The following ADAM12 variants were observed in gnomAD, a reference collection of about 807,000 sequenced individuals.
The protein encoded by ADAM12 is ADAM metallopeptidase domain 12.
Under a neutral mutation model 106.4 loss-of-function variants are expected in ADAM12, and 70 were observed. The observed-to-expected ratio is 0.66, with a 90% CI of 0.54 to 0.80. The LOEUF (loss-of-function observed/expected upper bound fraction) is 0.80. Ranked by LOEUF, ADAM12 falls within the 30% of genes least tolerant of loss-of-function variation. The pLI is 0.00. For missense variants in ADAM12, 1,010 were observed against 1,171.9 expected, an observed-to-expected ratio of 0.86 and a Z score of 2.02; for synonymous variants, 420 against 433.5, an observed-to-expected ratio of 0.97 and a Z score of 0.39.
At chr10:126,171,010 G>A (rs1403990508) in intron 3 of ADAM12, among the ~76,000 whole-genome samples, 1 of 152,162 alleles carries the variant, frequency 6.6e-6, no homozygotes, top group East Asian at 1.9e-4. Flanking sequence ...CAGGATAAAG[G>A]CCACACCAAT....
intron 4 of ADAM12, among the ~76,000 whole-genome samples, chr10:126,145,867 G>T (rs943881282): frequency 1.3e-5 from 2 of 152,254 alleles, no homozygotes; most frequent in Non-Finnish European, 2.9e-5. Flanking sequence ...ACATAGGCAT[G>T]TGTGAAAAGG....
intron 3 of ADAM12, among the ~76,000 whole-genome samples, chr10:126,160,340 T>G (rs1050757727): frequency 6.6e-6 from 1 of 152,146 alleles, no homozygotes; most frequent in African/African-American, 2.4e-5. Context: ...GATATGTCCA[T>G]TTAAATAGCT....
In ADAM12 at chr10:126,388,459, G is replaced by A. The variant is rs543892309; in HGVS notation, c.-314C>T. 8.5e-5 allele frequency: 19 copies of A among 224,120 alleles called. 1 individual carries two copies. The South Asian group carries it at 3.3e-3, about 39-fold the overall frequency. 13.9% of individuals were successfully genotyped at this position (224,120 alleles called of 1,614,324 possible). ...GGGACTAGGAAGAGCGTTAGTGAGAGAAGGCAGGCCTGTGAAATGGATCCA... is the reference window on the plus strand; with the variant it reads ...GGGACTAGGAAGAGCGTTAGTGAGAAAAGGCAGGCCTGTGAAATGGATCCA... On this transcript the variant is annotated 5_prime_UTR_variant, in exon 1 of 23. Coordinates refer to ENST00000448723, the MANE Select transcript of ADAM12 (RefSeq NM_001288973.2). This position sits in a 1 kb window ranked among gnomAD's most constrained non-coding sequence, Gnocchi z 4.4.
intron 3 of ADAM12, among the ~76,000 whole-genome samples, chr10:126,219,897 G>T (rs1172039274): frequency 6.6e-6 from 1 of 152,196 alleles, no homozygotes; most frequent in Non-Finnish European, 1.5e-5. Context: ...ACAATCAATG[G>T]GAATCTACCT....
chr10:126,133,470 G>A (rs1357813378), intron 5 of ADAM12, among the ~76,000 whole-genome samples: 1 of 152,132 alleles, frequency 6.6e-6, no homozygotes, highest in Non-Finnish European at 1.5e-5. Context: ...CACAAAAGTT[G>A]CCACCTTTGA....
At chr10:126,109,974 C>A in intron 6 of ADAM12, 134 bp from the exon 7 acceptor site, 1 of 710,114 alleles carries the variant, frequency 1.4e-6, no homozygotes, top group Non-Finnish European at 2.2e-6. Context: ...CACCTCCATT[C>A]CATCTAGAAG....
chr10:126,333,112 A>G (rs1020450695), intron 1 of ADAM12, among the ~76,000 whole-genome samples: 3 of 152,254 alleles, frequency 2.0e-5, no homozygotes, highest in African/African-American at 7.2e-5. Flanking sequence ...TTGGAAAGTC[A>G]GCTAAAACTG....
In ADAM12 at chr10:126,278,985, G is replaced by A; in HGVS notation, c.190C>T (p.His64Tyr). 3 of 1,611,836 alleles carry A rather than the reference G, an allele frequency of 1.9e-6. No homozygotes were observed. Among genetic ancestry groups the A allele is most frequent in the Non-Finnish European group, 2.5e-6 (3 of 1,178,446 alleles). The change falls in exon 3 of 23, where the codon CAT (histidine) becomes TAT (tyrosine). Residue 64 changes from histidine (H) to tyrosine (Y), a missense_variant. His to Tyr is a moderately conservative substitution (Grantham distance 83, BLOSUM62 2). Around this residue, in one of 3 missense-constraint regions of ADAM12, gnomAD observed 391 missense variants for 442.9 expected, o/e 0.88. Coordinates refer to ENST00000448723, the MANE Select transcript of ADAM12 (RefSeq NM_001288973.2). ...IPVKSFDSKNHPEVLNIRLQR... is the reference protein window; with the variant it reads ...IPVKSFDSKNYPEVLNIRLQR... ...AGTCGAATATTCAGCACTTCTGGAT[G>A]ATTCTGAAAGATAAACAACAAAAGT...
At chr10:126,172,183 C>T (rs1957131516) in intron 3 of ADAM12, among the ~76,000 whole-genome samples, 1 of 152,196 alleles carries the variant, frequency 6.6e-6, no homozygotes, top group African/African-American at 2.4e-5. Flanking sequence ...CACTCAAAGA[C>T]TGAGGCAATG....
chr10:126,274,191 C>T lies in ADAM12; in HGVS notation c.260+4724G>A, dbSNP rs116278162. ...CTGACCGTAAGGATGTCATGGTTGG[C>T]GGAAGAGGAAAGGAAAGAAGCATCC... On this transcript the variant is annotated intron_variant, in intron 3 of 22. Transcript: ENST00000448723. 7.1e-3 allele frequency among the ~76,000 whole-genome samples: 1,078 copies of T among 152,128 alleles called. 11 individuals are homozygous for T. The highest frequency in any genetic ancestry group is 0.025 in the African/African-American group (1,024 of 41,508).
rs183412794 is a variant in ADAM12, at chr10:126,035,788, T to C, written c.2529+358A>G. Reference sequence around the variant, plus strand: ...GATGAGAGAGTATAACTGATGCTTCTTAGGGTGACCATCTGTCTTAGATTG... The same window carrying C: ...GATGAGAGAGTATAACTGATGCTTCCTAGGGTGACCATCTGTCTTAGATTG... On this transcript the variant is annotated intron_variant, in intron 21 of 22. Coordinates refer to ENST00000448723, the MANE Select transcript of ADAM12 (RefSeq NM_001288973.2). Among the ~76,000 whole-genome samples the C allele has an allele frequency of 5.9e-4, 90 of 152,336 alleles. No individual in the cohort carries two copies. In the East Asian group the frequency reaches 0.015, roughly 26 times the overall value.
At chr10:126,129,946 T>C (rs1243743503) in intron 5 of ADAM12, among the ~76,000 whole-genome samples, 1 of 152,200 alleles carries the variant, frequency 6.6e-6, no homozygotes, top group Non-Finnish European at 1.5e-5. Context: ...TCTTCTATGT[T>C]CTAGAACAGA....
intron 3 of ADAM12, among the ~76,000 whole-genome samples, chr10:126,183,511 G>C (rs1957350357): frequency 6.6e-6 from 1 of 152,212 alleles, no homozygotes; most frequent in Admixed American, 6.5e-5. Context: ...ACACCTTCCT[G>C]GAAAAGCAGA....
At chr10:126,139,924 GGAA>G (rs1956479486) in intron 4 of ADAM12, among the ~76,000 whole-genome samples, 1 of 141,580 alleles carries the variant, frequency 7.1e-6, no homozygotes, top group African/African-American at 2.5e-5. Flanking sequence ...GGTATGTAGG[GGAA>G]GCATGATAAT....
chr10:126,242,231 C>G lies in ADAM12; in HGVS notation c.260+36684G>C, dbSNP rs146509671. ...AGATCCTAACACTTTAGTTTTAAGACTGTTTTCTCCCCAGACTCTGTCAAG... is the reference window on the plus strand; with the variant it reads ...AGATCCTAACACTTTAGTTTTAAGAGTGTTTTCTCCCCAGACTCTGTCAAG... On this transcript the variant is annotated intron_variant, in intron 3 of 22. Transcript: ENST00000448723. Among the ~76,000 whole-genome samples, 428 of 152,296 alleles carry G rather than the reference C, an allele frequency of 2.8e-3. 1 individual carries two copies. Among genetic ancestry groups the G allele is most frequent in the African/African-American group, 9.8e-3 (406 of 41,566 alleles).
chr10:126,133,575 C>T (rs1224949980), intron 5 of ADAM12, among the ~76,000 whole-genome samples: 3 of 152,186 alleles, frequency 2.0e-5, no homozygotes, highest in Non-Finnish European at 4.4e-5. Context: ...TATTTCCAGC[C>T]TGGCAGCTGG....
chr10:126,140,136 T>C (rs1358993082), intron 4 of ADAM12, among the ~76,000 whole-genome samples: 2 of 152,168 alleles, frequency 1.3e-5, no homozygotes, highest in Admixed American at 1.3e-4. Context: ...GTAACCAGAA[T>C]CACTGGGTTT....
chr10:126,110,042 C>T lies in ADAM12; in HGVS notation c.604-202G>A, dbSNP rs1316755498. ...CCTTCTCAACATGAGTAACCAGCTT[C>T]CATTTCCACTTGGAAAACCCTTAAA... On this transcript the variant is annotated intron_variant, in intron 6 of 22. Transcript: ENST00000448723. 2.6e-5 allele frequency among the ~76,000 whole-genome samples: 4 copies of T among 152,132 alleles called. No homozygotes were observed. The East Asian group carries it at 7.7e-4, about 29-fold the overall frequency.
chr10:126,072,337 T>G (rs1955014615), intron 11 of ADAM12, among the ~76,000 whole-genome samples: 1 of 152,202 alleles, frequency 6.6e-6, no homozygotes. Flanking sequence ...TATGCTCCCC[T>G]TCTGTGCTCT....
Sources: allele counts gnomAD v4.1 joint callset (sites outside exome capture counted in the v4.1 genomes callset), GRCh38; gene constraint gnomAD v4.1.1; regional missense constraint gnomAD v4.1.1; non-coding constraint Gnocchi (gnomAD v3.1); transcripts MANE v1.5; gene names NCBI Gene and HGNC (gene_info 2026-07-23, HGNC 2026-07-21).